Variants in MCPH1 observed in about 807,000 individuals in gnomAD.
The protein encoded by MCPH1 is microcephalin 1, also known as microcephalin.
In MCPH1, 104 loss-of-function variants were observed where a neutral mutation model predicts 84.5. That is an observed-to-expected ratio of 1.23 (90% CI 1.05 to 1.45). The LOEUF is 1.45. MCPH1 is among the 40% of genes most tolerant of loss of function. The probability of loss-of-function intolerance (pLI) is 0.00; values close to 1 mark genes in which losing one functional copy is unlikely to be tolerated. For missense variants in MCPH1, 1,498 were observed against 1,005.7 expected, an observed-to-expected ratio of 1.49 and a Z score of -6.62; for synonymous variants, 514 against 366.8, an observed-to-expected ratio of 1.40 and a Z score of -4.58.
At chr8:6,625,704 AG>A in intron 13 of MCPH1, 1 of 981,624 alleles carries the variant, frequency 1.0e-6, no homozygotes. Context: ...GCTTGGCTTG[AG>A]CCCATAAGTT....
In MCPH1 at chr8:6,406,693, A is replaced by T; in HGVS notation, c.22+4A>T. On this transcript the variant is annotated splice_donor_region_variant and intron_variant, in intron 1 of 13. Coordinates refer to ENST00000344683, the MANE Select transcript of MCPH1 (RefSeq NM_024596.5). ...ATGGCGGCCCCCATCCTGAAAGGTG[A>T]GGTACTTCCTGCTGCCTGCTCCAGC... 1 of 1,612,056 alleles carries T rather than the reference A, an allele frequency of 6.2e-7. No homozygotes were observed. Among genetic ancestry groups the T allele is most frequent in the South Asian group, 1.1e-5 (1 of 90,868 alleles).
At chr8:6,549,072 G>T (rs1363691360) in intron 12 of MCPH1, among the ~76,000 whole-genome samples, 2 of 152,200 alleles carry the variant, frequency 1.3e-5, no homozygotes, top group South Asian at 4.1e-4. Context: ...TCATTAGAAG[G>T]CAGGTTAGTC....
chr8:6,621,831 G>A (rs986267877), intron 13 of MCPH1, 140 bp downstream of exon 13: 28 of 1,145,414 alleles, frequency 2.4e-5, no homozygotes, highest in Middle Eastern at 2.3e-4. Flanking sequence ...CATCTGCCCT[G>A]GCAGCGTCGT....
intron 4 of MCPH1, among the ~76,000 whole-genome samples, chr8:6,435,271 C>T (rs1388856368): frequency 6.6e-6 from 1 of 152,088 alleles, no homozygotes; most frequent in Non-Finnish European, 1.5e-5. Context: ...ATAGTGCTAC[C>T]AAGCAGGCAG....
At chr8:6,536,444 G>A (rs2442600) in intron 12 of MCPH1, among the ~76,000 whole-genome samples, 54,354 of 151,866 alleles carry the variant, frequency 0.36, 10,045 homozygotes, top group Non-Finnish European at 0.4. Flanking sequence ...GCTTGAGTAT[G>A]CCTTCCAATT....
At chr8:6,636,842 C>T (rs1586892439) in intron 13 of MCPH1, among the ~76,000 whole-genome samples, 1 of 152,178 alleles carries the variant, frequency 6.6e-6, no homozygotes, top group South Asian at 2.1e-4. Flanking sequence ...TTTCTGGTCT[C>T]CAGCATTTTG....
At chr8:6,556,561 G>A (rs181960296) in intron 12 of MCPH1, among the ~76,000 whole-genome samples, 1 of 151,990 alleles carries the variant, frequency 6.6e-6, no homozygotes, top group African/African-American at 2.4e-5. Flanking sequence ...TACACTACAC[G>A]TTCTGACCAA....
intron 9 of MCPH1, among the ~76,000 whole-genome samples, chr8:6,473,263 C>T (rs1472098202): frequency 1.3e-5 from 2 of 148,324 alleles, no homozygotes; most frequent in African/African-American, 5.0e-5. Context: ...TATATTTCTT[C>T]AGATTTATTA....
At chr8:6,509,310 C>A (rs1418593596) in intron 12 of MCPH1, among the ~76,000 whole-genome samples, 1 of 152,196 alleles carries the variant, frequency 6.6e-6, no homozygotes, top group Non-Finnish European at 1.5e-5. Context: ...CTATCAGAAG[C>A]GACTGTAGAG....
chr8:6,514,408 C>G (rs1195785762), intron 12 of MCPH1, among the ~76,000 whole-genome samples: 1 of 152,168 alleles, frequency 6.6e-6, no homozygotes, highest in East Asian at 1.9e-4. Flanking sequence ...CAACTGGTCT[C>G]AAACTCCTGA....
chr8:6,437,573 A>G (rs1245802707), intron 5 of MCPH1, among the ~76,000 whole-genome samples: 1 of 152,202 alleles, frequency 6.6e-6, no homozygotes, highest in Non-Finnish European at 1.5e-5. Context: ...AGAACTGGGT[A>G]GAACACTTAG....
chr8:6,525,063 G>A (rs955705417), intron 12 of MCPH1, among the ~76,000 whole-genome samples: 5 of 152,200 alleles, frequency 3.3e-5, no homozygotes, highest in Admixed American at 6.5e-5. Context: ...CTTTTAGTTC[G>A]AATGATCTGG....
At chr8:6,443,972 G>GGTGA (rs1803885479) in intron 7 of MCPH1, among the ~76,000 whole-genome samples, 1 of 152,178 alleles carries the variant, frequency 6.6e-6, no homozygotes, top group South Asian at 2.1e-4. Context: ...GGAAGGTAAG[G>GGTGA]GTGAGCTGTG....
chr8:6,485,709 C>T (rs1288820747), intron 11 of MCPH1, among the ~76,000 whole-genome samples: 1 of 152,064 alleles, frequency 6.6e-6, no homozygotes, highest in African/African-American at 2.4e-5. Context: ...ATTGCGAAGG[C>T]TCAGGTGGCC....
chr8:6,627,034 A>T, intron 13 of MCPH1: 1 of 985,208 alleles, frequency 1.0e-6, no homozygotes, highest in Non-Finnish European at 1.2e-6. Flanking sequence ...TAACTTATAA[A>T]GAAAATTTGG....
intron 12 of MCPH1, among the ~76,000 whole-genome samples, chr8:6,548,896 T>G (rs1411980420): frequency 6.6e-6 from 1 of 152,250 alleles, no homozygotes; most frequent in Admixed American, 6.5e-5. Context: ...CATCACTTTT[T>G]AGCTGCCTGT....
chr8:6,483,996 C>A (rs188420421), intron 11 of MCPH1, among the ~76,000 whole-genome samples: 45 of 152,138 alleles, frequency 3.0e-4, no homozygotes, highest in African/African-American at 1.1e-3. Context: ...AGTAAACATA[C>A]AAGAAAAATG....
intron 13 of MCPH1, chr8:6,626,571 T>C (rs908505265): frequency 2.0e-6 from 2 of 982,812 alleles, no homozygotes; most frequent in Non-Finnish European, 2.4e-6. Flanking sequence ...TTCCCGGCCC[T>C]AGGAAATAAA....
chr8:6,471,435 A>G (rs1289215086), intron 9 of MCPH1, among the ~76,000 whole-genome samples: 1 of 152,200 alleles, frequency 6.6e-6, no homozygotes, highest in Non-Finnish European at 1.5e-5. Context: ...TTCTGGAGGG[A>G]TCAGGCAGGG....
Sources: gnomAD v4.1 joint callset for allele counts (sites outside exome capture counted in the v4.1 genomes callset) on GRCh38, gnomAD v4.1.1 for gene constraint, MANE v1.5 for transcripts, NCBI Gene and HGNC (gene_info 2026-07-23, HGNC 2026-07-21) for gene names.